Variants in SLC25A26 observed in about 807,000 individuals in gnomAD.
SLC25A26 encodes the protein solute carrier family 25 member 26, also known as mitochondrial S-adenosylmethionine carrier protein.
A neutral mutation model predicts 37.8 loss-of-function variants in SLC25A26; 36 were observed. The ratio of observed to expected loss-of-function variants is 0.95; its 90% confidence interval spans 0.73 to 1.26. SLC25A26 has a LOEUF of 1.26. Among genes scored for constraint, SLC25A26 ranks in the 50% most tolerant of loss-of-function variants. The probability of loss-of-function intolerance (pLI) is 0.00; values close to 1 mark genes in which losing one functional copy is unlikely to be tolerated. For synonymous variants in SLC25A26, 129 were observed against 122.5 expected, an observed-to-expected ratio of 1.05 and a Z score of -0.35; for missense variants, 390 against 331.1, an observed-to-expected ratio of 1.18 and a Z score of -1.38.
intron 5 of SLC25A26, among the ~76,000 whole-genome samples, chr3:66,272,366 T>C (rs1049369087): frequency 6.6e-6 from 1 of 152,166 alleles, no homozygotes; most frequent in Admixed American, 6.6e-5. Context: ...AATATGTATT[T>C]AAAATGAGTA....
At chr3:66,358,455 T>C (rs1323000047) in intron 6 of SLC25A26, among the ~76,000 whole-genome samples, 2 of 152,236 alleles carry the variant, frequency 1.3e-5, no homozygotes, top group African/African-American at 4.8e-5. Context: ...TTGGATATTT[T>C]AAGTCATTCC....
At chr3:66,277,454 T>A (rs1037167394) in intron 5 of SLC25A26, among the ~76,000 whole-genome samples, 1 of 151,998 alleles carries the variant, frequency 6.6e-6, no homozygotes, top group Non-Finnish European at 1.5e-5. Flanking sequence ...AATGGGGAGA[T>A]GTTGTTCAAA....
chr3:66,279,018 C>G (rs1300594295), intron 5 of SLC25A26, among the ~76,000 whole-genome samples: 2 of 152,086 alleles, frequency 1.3e-5, no homozygotes, highest in South Asian at 4.1e-4. Context: ...GTGGGACTTA[C>G]ACCCTGAGAG....
intron 1 of SLC25A26, among the ~76,000 whole-genome samples, chr3:66,168,965 T>A (rs890337818): frequency 4.6e-5 from 7 of 152,074 alleles, no homozygotes; most frequent in Admixed American, 2.6e-4. Context: ...ATACAAAACA[T>A]TTTTTAAAAA....
At chr3:66,273,400 G>A (rs532113018) in intron 5 of SLC25A26, among the ~76,000 whole-genome samples, 25 of 152,118 alleles carry the variant, frequency 1.6e-4, no homozygotes, top group Admixed American at 1.2e-3. Context: ...GGTAGAATTC[G>A]GCTGTGAATC....
At chr3:66,249,144 T>A (rs962959262) in intron 3 of SLC25A26, among the ~76,000 whole-genome samples, 2 of 152,246 alleles carry the variant, frequency 1.3e-5, no homozygotes, top group Admixed American at 6.5e-5. Flanking sequence ...AAGGCTAGTT[T>A]AATAAACTGG....
chr3:66,276,073 A>G (rs972328636), intron 5 of SLC25A26, among the ~76,000 whole-genome samples: 1 of 152,152 alleles, frequency 6.6e-6, no homozygotes, highest in African/African-American at 2.4e-5. Context: ...AATCATTCAA[A>G]GGAAATTAAA....
At position 66,239,676 on chromosome 3, in the gene SLC25A26, G is replaced by A. The variant is rs538177307; in HGVS notation, c.190+2976G>A. 1.5e-4 allele frequency among the ~76,000 whole-genome samples: 23 copies of A among 152,288 alleles called. No homozygotes were observed. The South Asian group carries it at 4.8e-3, about 32-fold the overall frequency. On this transcript the variant is annotated intron_variant, in intron 2 of 9. Transcript: ENST00000354883. ...TCTCAAATCATTTTAGAGACAGTAAGTATGCCTTTATTATAGCAACCCTTT... is the reference window on the plus strand; with the variant it reads ...TCTCAAATCATTTTAGAGACAGTAAATATGCCTTTATTATAGCAACCCTTT...
Position 66,352,779 on chromosome 3 carries a change from C to G in SLC25A26, c.498+6371C>G, listed in dbSNP as rs924089138. On this transcript the variant is annotated intron_variant, in intron 6 of 9. Transcript: ENST00000354883. ...TCTTTCCCTAGGCCTCTCTCCATCC[C>G]CCTTCCCCATACCTCTCTCATGTCT... is the stretch of plus-strand genomic sequence containing the variant. Among the ~76,000 whole-genome samples the G allele has an allele frequency of 2.0e-5, 3 of 151,968 alleles. No homozygotes were observed. The South Asian group carries it at 6.2e-4, about 32-fold the overall frequency.
intron 2 of SLC25A26, among the ~76,000 whole-genome samples, chr3:66,238,910 TG>T (rs1302023102): frequency 1.3e-5 from 2 of 152,138 alleles, no homozygotes; most frequent in Non-Finnish European, 1.5e-5. Flanking sequence ...TGTAACTTTA[TG>T]GAAATTTATC....
At chr3:66,266,553 T>C (rs918669413) in intron 5 of SLC25A26, among the ~76,000 whole-genome samples, 3 of 151,704 alleles carry the variant, frequency 2.0e-5, no homozygotes, top group African/African-American at 7.3e-5. Context: ...CGGTGTTCTT[T>C]AGATTGTGTG....
chr3:66,330,130 T>C (rs2107676301), intron 5 of SLC25A26, among the ~76,000 whole-genome samples: 1 of 152,284 alleles, frequency 6.6e-6, no homozygotes, highest in South Asian at 2.1e-4. Context: ...GCCTGGCAGA[T>C]AGGATGCAGT....
chr3:66,263,400 T>C (rs1422828027), intron 5 of SLC25A26, 21 bp downstream of exon 5: 3 of 1,535,408 alleles, frequency 2.0e-6, no homozygotes, highest in Non-Finnish European at 2.7e-6. Flanking sequence ...TACTTTCCAA[T>C]ATTGAAGTAC....
At chr3:66,227,431 A>C (rs972036612) in intron 1 of SLC25A26, among the ~76,000 whole-genome samples, 1 of 152,164 alleles carries the variant, frequency 6.6e-6, no homozygotes, top group African/African-American at 2.4e-5. Context: ...AGATGAGGTA[A>C]CAACTATTTG....
In SLC25A26 at chr3:66,307,750, A is replaced by G. The variant is rs577825842; in HGVS notation, c.454-38614A>G. On this transcript the variant is annotated intron_variant, in intron 5 of 9. Transcript: ENST00000354883. ...CAGTTTTCCCAACACCATTTATTAAATAGGGAATCCTTTCCCCACTGCTTG... is the reference window on the plus strand; with the variant it reads ...CAGTTTTCCCAACACCATTTATTAAGTAGGGAATCCTTTCCCCACTGCTTG... Among the ~76,000 whole-genome samples, 9 of 152,330 alleles carry G rather than the reference A, an allele frequency of 5.9e-5. No homozygotes were observed. In the South Asian group the frequency reaches 1.7e-3, roughly 28 times the overall value.
chr3:66,363,804 C>T (rs1207087670), intron 7 of SLC25A26, among the ~76,000 whole-genome samples: 2 of 152,066 alleles, frequency 1.3e-5, no homozygotes, highest in African/African-American at 4.8e-5. Flanking sequence ...ACAAAATGTT[C>T]ATTTTATAGT....
intron 5 of SLC25A26, among the ~76,000 whole-genome samples, chr3:66,285,219 TA>T (rs61687792): frequency 0.013 from 1,959 of 152,244 alleles, 53 homozygotes; most frequent in African/African-American, 0.045. Flanking sequence ...ATGAGGTATA[TA>T]AAAATACTTT....
At chr3:66,327,819 C>G (rs1023385702) in intron 5 of SLC25A26, among the ~76,000 whole-genome samples, 12 of 150,422 alleles carry the variant, frequency 8.0e-5, no homozygotes, top group African/African-American at 2.7e-4. Context: ...TAGGACAGAT[C>G]TGTTTTTCAC....
chr3:66,337,381 ATGAT>A (rs1354376809), intron 5 of SLC25A26, among the ~76,000 whole-genome samples: 1 of 152,154 alleles, frequency 6.6e-6, no homozygotes, highest in Non-Finnish European at 1.5e-5. Flanking sequence ...CACATTAGAA[ATGAT>A]TGATTAAACA....
Sources: gnomAD v4.1 joint callset for allele counts (sites outside exome capture counted in the v4.1 genomes callset) on GRCh38, gnomAD v4.1.1 for gene constraint, MANE v1.5 for transcripts, NCBI Gene and HGNC (gene_info 2026-07-23, HGNC 2026-07-21) for gene names.